Variants in FERRY3 observed in about 807,000 individuals in gnomAD.
FERRY3 encodes the protein protein C12orf4.
At chr12:4,494,546 C>T in the FERRY3 span, among the ~76,000 whole-genome samples, 3,134 of 152,274 alleles carry the variant, frequency 0.021, 118 homozygotes, top group African/African-American at 0.07. Flanking sequence ...CTTTTCTATA[C>T]GAATACCCAG....
the FERRY3 span, among the ~76,000 whole-genome samples, chr12:4,536,791 G>C: frequency 1.3e-5 from 2 of 152,140 alleles, no homozygotes; most frequent in Non-Finnish European, 2.9e-5. Flanking sequence ...TAAGGAAGAA[G>C]AAAATCTAGT....
the FERRY3 span, among the ~76,000 whole-genome samples, chr12:4,533,425 T>G: frequency 1.3e-5 from 2 of 152,224 alleles, no homozygotes; most frequent in Non-Finnish European, 2.9e-5. Flanking sequence ...CAGTGAAATC[T>G]CATTTCCACC....
chr12:4,521,534 T>G, the FERRY3 span, among the ~76,000 whole-genome samples: 2 of 152,046 alleles, frequency 1.3e-5, no homozygotes, highest in African/African-American at 4.8e-5. Flanking sequence ...TGTTAAAAGA[T>G]CTAGTGGAAA....
At chr12:4,536,279 C>T in the FERRY3 span, 2 of 937,596 alleles carry the variant, frequency 2.1e-6, no homozygotes, top group African/African-American at 1.7e-5. Context: ...TATTGCTGTC[C>T]CATTTCTAAG....
chr12:4,518,496 T>C, the FERRY3 span, among the ~76,000 whole-genome samples: 6 of 152,080 alleles, frequency 3.9e-5, no homozygotes, highest in African/African-American at 1.4e-4. Flanking sequence ...AAAACATAAT[T>C]TGGAATTAAA....
the FERRY3 span, chr12:4,530,173 T>C: frequency 1.3e-6 from 1 of 787,332 alleles, no homozygotes; most frequent in African/African-American, 1.8e-5. Context: ...CTTATATATA[T>C]ATGTGTGTGT....
chr12:4,516,915 C>T, the FERRY3 span: 1 of 791,918 alleles, frequency 1.3e-6, no homozygotes, highest in Non-Finnish European at 1.7e-6. Flanking sequence ...GATGTTCTTT[C>T]TAAATAGAAA....
At chr12:4,517,114 T>C in the FERRY3 span, 2 of 1,599,120 alleles carry the variant, frequency 1.3e-6, no homozygotes, top group South Asian at 1.1e-5. Flanking sequence ...AAGTACCACC[T>C]GTTGGACAAC....
At chr12:4,505,239 T>C in the FERRY3 span, 4 of 955,124 alleles carry the variant, frequency 4.2e-6, no homozygotes, top group East Asian at 2.5e-5. Flanking sequence ...TAAATTCCTA[T>C]GGTGTGCATT....
At chr12:4,497,310 T>A in the FERRY3 span, among the ~76,000 whole-genome samples, 1 of 152,046 alleles carries the variant, frequency 6.6e-6, no homozygotes, top group Non-Finnish European at 1.5e-5. Context: ...GCCCAACTAA[T>A]CCATAATTTT....
chr12:4,499,173 G>A, the FERRY3 span, among the ~76,000 whole-genome samples: 10 of 152,076 alleles, frequency 6.6e-5, no homozygotes, highest in African/African-American at 2.2e-4. Flanking sequence ...CACAATCTCT[G>A]CTTCCCAGTC....
the FERRY3 span, chr12:4,488,046 G>C: frequency 1.3e-5 from 2 of 152,160 alleles, no homozygotes; most frequent in African/African-American, 4.8e-5. The surrounding 1 kb of genome is among the most constrained non-coding windows in gnomAD (Gnocchi z 4.9). Context: ...CTTGGTGTTT[G>C]TGTGTTTCCA....
the FERRY3 span, chr12:4,529,846 A>T: frequency 1.9e-6 from 3 of 1,555,928 alleles, no homozygotes; most frequent in Non-Finnish European, 2.6e-6. Flanking sequence ...TTTAATTCTG[A>T]TAATGCAAGA....
chr12:4,517,684 AATATATAT>A, the FERRY3 span, among the ~76,000 whole-genome samples: 3 of 140,554 alleles, frequency 2.1e-5, no homozygotes, highest in South Asian at 6.7e-4. Context: ...AGGTTATTAA[AATATATAT>A]ATATATATAT....
At chr12:4,514,551 AATACTATGCAGCC>A in the FERRY3 span, among the ~76,000 whole-genome samples, 4 of 152,034 alleles carry the variant, frequency 2.6e-5, no homozygotes, top group Non-Finnish European at 5.9e-5. Flanking sequence ...TACACCATGG[AATACTATGCAGCC>A]ATAAAAAATG....
chr12:4,526,902 G>A, the FERRY3 span, among the ~76,000 whole-genome samples: 7 of 150,940 alleles, frequency 4.6e-5, no homozygotes, highest in Non-Finnish European at 1.0e-4. Context: ...ATATATATAT[G>A]ATAAATTAAA....
At chr12:4,519,343 A>T in the FERRY3 span, among the ~76,000 whole-genome samples, 1 of 152,240 alleles carries the variant, frequency 6.6e-6, no homozygotes, top group Non-Finnish European at 1.5e-5. The surrounding 1 kb of genome is among the most constrained non-coding windows in gnomAD (Gnocchi z 4.3). Flanking sequence ...TTTGATGTAT[A>T]CACACCCTTT....
the FERRY3 span, among the ~76,000 whole-genome samples, chr12:4,514,780 C>G: frequency 2.6e-5 from 4 of 151,522 alleles, no homozygotes; most frequent in Non-Finnish European, 5.9e-5. Flanking sequence ...GGAGATATAC[C>G]TAATGCTAGA....
At chr12:4,509,734 A>G in the FERRY3 span, among the ~76,000 whole-genome samples, 31 of 141,690 alleles carry the variant, frequency 2.2e-4, no homozygotes, top group South Asian at 6.6e-4. Flanking sequence ...CATCCACACC[A>G]AAAACCCATC....
Sources: gnomAD v4.1 joint callset for allele counts (sites outside exome capture counted in the v4.1 genomes callset) on GRCh38, gnomAD v4.1.1 for gene constraint, Gnocchi (gnomAD v3.1) non-coding constraint, MANE v1.5 for transcripts, NCBI Gene and HGNC (gene_info 2026-07-23, HGNC 2026-07-21) for gene names.